SYTL1: variants seen among roughly 807,000 people sequenced by gnomAD.
SYTL1 encodes synaptotagmin-like protein 1.
SYTL1 carries 53 observed loss-of-function variants against 74.6 expected under a neutral mutation model. That is an observed-to-expected ratio of 0.71 (90% CI 0.57 to 0.89). The LOEUF is 0.89. Among genes scored for constraint, SYTL1 ranks in the 40% least tolerant of loss-of-function variants. The pLI, the probability that SYTL1 is intolerant of heterozygous loss-of-function variation, is 0.00. For synonymous variants in SYTL1, 329 were observed against 324.9 expected (o/e 1.01, Z -0.14); for missense variants, 728 against 768.7 (o/e 0.95, Z 0.63).
rs983216364 is a variant in SYTL1, at chr1:27,342,436, G to A, written c.-39+286G>A. Reference sequence around the variant, plus strand: ...GAGGGGGCACTGCTGAGGACGCTGGGCTGATGCCCATGGCCCAGCTCAGGC... The same window carrying A: ...GAGGGGGCACTGCTGAGGACGCTGGACTGATGCCCATGGCCCAGCTCAGGC... On this transcript the variant is annotated intron_variant, in intron 1 of 14. Transcript: ENST00000616558. This position sits in a 1 kb window ranked among gnomAD's most constrained non-coding sequence, Gnocchi z 4.7. 3.5e-5 allele frequency: 23 copies of A among 657,438 alleles called. No individual in the cohort carries two copies. The highest frequency in any genetic ancestry group is 6.7e-5 in the South Asian group (1 of 14,872). The allele number at this position is 657,438 out of a possible 1,614,324, so 40.7% of individuals were successfully genotyped here.
In SYTL1 at chr1:27,350,765, C is replaced by T; in HGVS notation, c.1006-29C>T. On this transcript the variant is annotated intron_variant, in intron 10 of 14. Coordinates refer to ENST00000616558, the MANE Select transcript of SYTL1 (RefSeq NM_001193308.2). The surrounding 1 kb of genome is among the most constrained non-coding windows in gnomAD (Gnocchi z 6.3). ...GCATCTACGCGGGCCACCAGCAGTG[C>T]TCCACTAAAGCTCACCTCCTGTCCT... 6.2e-7 allele frequency: 1 copy of T among 1,608,932 alleles called. No individual in the cohort carries two copies. The highest frequency in any genetic ancestry group is 8.5e-7 in the Non-Finnish European group (1 of 1,176,308).
intron 14 of SYTL1, 48 bp from the exon 15 acceptor site, chr1:27,353,665 A>G: frequency 6.3e-7 from 1 of 1,592,448 alleles, no homozygotes; most frequent in Non-Finnish European, 8.6e-7. Context: ...GGGGGCCCCA[A>G]GGTGTCCAGT....
In SYTL1 at chr1:27,350,750, G is replaced by T; in HGVS notation, c.1006-44G>T. On this transcript the variant is annotated intron_variant, in intron 10 of 14. Transcript: ENST00000616558. The surrounding 1 kb of genome is among the most constrained non-coding windows in gnomAD (Gnocchi z 6.3). ...CAGCCAACTCGCGCAGCATCTACGCGGGCCACCAGCAGTGCTCCACTAAAG... is the reference window on the plus strand; with the variant it reads ...CAGCCAACTCGCGCAGCATCTACGCTGGCCACCAGCAGTGCTCCACTAAAG... 2 of 1,600,824 alleles carry T rather than the reference G, an allele frequency of 1.2e-6. No individual in the cohort carries two copies. The highest frequency in any genetic ancestry group is 2.2e-5 in the East Asian group (1 of 44,574).
At position 27,351,008 on chromosome 1, in the gene SYTL1, C is replaced by A; in HGVS notation, c.1164+56C>A. 2 of 1,591,624 alleles carry A rather than the reference C, an allele frequency of 1.3e-6. No homozygotes were observed. The highest frequency in any genetic ancestry group is 1.8e-4 in the Middle Eastern group (1 of 5,542). On this transcript the variant is annotated intron_variant, in intron 11 of 14. Transcript: ENST00000616558. This position sits in a 1 kb window ranked among gnomAD's most constrained non-coding sequence, Gnocchi z 5.0. The stretch of plus-strand genomic sequence containing the variant: ...GCGGCCCGGGTCTCCTGCATTTACC[C>A]CACCAGGCTCTCCCGCAGCCCCCTC...
chr1:27,346,282 C>T (rs1218354464), intron 2 of SYTL1, among the ~76,000 whole-genome samples: 6 of 152,220 alleles, frequency 3.9e-5, no homozygotes, highest in African/African-American at 1.4e-4. Flanking sequence ...CCTGAACCCA[C>T]TCTTCACTTC....
At position 27,345,874 on chromosome 1, in the gene SYTL1, G is replaced by A. The variant is rs1303893759; in HGVS notation, c.191+349G>A. ...GGCTCACTGCAACCTCCACCCCTCC[G>A]GGTTCAAGCGATTCTCCTGCCACAG... On this transcript the variant is annotated intron_variant, in intron 2 of 14. Transcript: ENST00000616558. This position sits in a 1 kb window ranked among gnomAD's most constrained non-coding sequence, Gnocchi z 6.0. 1.3e-5 allele frequency among the ~76,000 whole-genome samples: 2 copies of A among 151,822 alleles called. No homozygotes were observed. The highest frequency in any genetic ancestry group is 2.4e-5 in the African/African-American group (1 of 41,298).
Position 27,349,462 on chromosome 1 carries a change from G to C in SYTL1, c.597G>C (p.Ser199=). 1.4e-6 allele frequency: 2 copies of C among 1,453,298 alleles called. No individual in the cohort carries two copies. The highest frequency in any genetic ancestry group is 1.5e-5 in the South Asian group (1 of 68,192). 90.0% of individuals were successfully genotyped at this position (1,453,298 alleles called of 1,614,324 possible). Reference sequence around the variant, plus strand: ...CTGACCCGGAGCTGGAGCCCGCGTCGGGGGGAGAGCAGGAGCCGCGGCCCC... The same window carrying C: ...CTGACCCGGAGCTGGAGCCCGCGTCCGGGGGAGAGCAGGAGCCGCGGCCCC... ...EEADPELEPA[S]GGEQEPRPQQ... is the part of the protein sequence containing the mutation. The change falls in exon 7 of 15, where the codon TCG becomes TCC. Residue 199 remains serine (S), a synonymous_variant. Coordinates refer to ENST00000616558, the MANE Select transcript of SYTL1 (RefSeq NM_001193308.2).
Position 27,351,373 on chromosome 1 carries a change from C to T in SYTL1, c.1243+37C>T. The T allele has an allele frequency of 6.6e-7, 1 of 1,518,336 alleles. No individual in the cohort carries two copies. Among genetic ancestry groups the T allele is most frequent in the Non-Finnish European group, 8.9e-7 (1 of 1,129,170 alleles). 94.1% of individuals were successfully genotyped at this position (1,518,336 alleles called of 1,614,324 possible). A position where few individuals can be genotyped will look rare whatever the true frequency, so the allele number is the denominator to read the frequency against. ...CCGGAGAGGCCAAGCTGGACACGCC[C>T]TGAAAAGCGGGAGACTCCAGTCCCC... On this transcript the variant is annotated intron_variant, in intron 12 of 14. Transcript: ENST00000616558. This position sits in a 1 kb window ranked among gnomAD's most constrained non-coding sequence, Gnocchi z 5.0.
chr1:27,346,648 G>C (rs764740508), intron 2 of SYTL1, among the ~76,000 whole-genome samples: 3 of 152,034 alleles, frequency 2.0e-5, no homozygotes, highest in Non-Finnish European at 4.4e-5. Context: ...TGTAGTCCCA[G>C]CTATTTAGGC....
rs1232725649 is a variant in SYTL1, at chr1:27,347,710, G to A, written c.341-98G>A. On this transcript the variant is annotated intron_variant, in intron 3 of 14. Transcript: ENST00000616558. This position sits in a 1 kb window ranked among gnomAD's most constrained non-coding sequence, Gnocchi z 4.9. ...GTCTTTCAGTGGGCAATGCCCCTCC[G>A]TGGGCATGGGGTGGGTGGGTATCTC... The A allele has an allele frequency of 9.5e-6, 14 of 1,474,258 alleles. No individual in the cohort carries two copies. Among genetic ancestry groups the A allele is most frequent in the Non-Finnish European group, 1.2e-5 (13 of 1,081,416 alleles). 91.3% of individuals were successfully genotyped at this position (1,474,258 alleles called of 1,614,324 possible). A position where few individuals can be genotyped will look rare whatever the true frequency, so the allele number is the denominator to read the frequency against.
chr1:27,350,257 A>T lies in SYTL1; in HGVS notation c.908+125A>T. 1 of 1,489,374 alleles carries T rather than the reference A, an allele frequency of 6.7e-7. No homozygotes were observed. The highest frequency in any genetic ancestry group is 9.3e-7 in the Non-Finnish European group (1 of 1,071,914). 92.3% of individuals were successfully genotyped at this position (1,489,374 alleles called of 1,614,324 possible). A position where few individuals can be genotyped will look rare whatever the true frequency, so the allele number is the denominator to read the frequency against. On this transcript the variant is annotated intron_variant, in intron 9 of 14. Coordinates refer to ENST00000616558, the MANE Select transcript of SYTL1 (RefSeq NM_001193308.2). The surrounding 1 kb of genome is among the most constrained non-coding windows in gnomAD (Gnocchi z 6.3). ...CAGCGTTATTGGGAGGCGTGCGATT[A>T]AGCGAGACAATCCCTGTAAAGCGCT...
Position 27,353,729 on chromosome 1 carries a change from G to C in SYTL1, c.1566G>C (p.Leu522=), listed in dbSNP as rs188053500. The C allele has an allele frequency of 1.9e-6, 3 of 1,613,792 alleles. No homozygotes were observed. In the African/African-American group the frequency reaches 4.0e-5, roughly 22 times the overall value. ...LSLGTGSSYG[L]QVPWMDSTPE... Reference sequence around the variant, plus strand: ...CACATCCAGGCAGCAGCTATGGGCTGCAGGTGCCCTGGATGGATTCCACAC... The same window carrying C: ...CACATCCAGGCAGCAGCTATGGGCTCCAGGTGCCCTGGATGGATTCCACAC... Residue 522 remains leucine (L), a synonymous_variant, in exon 15 of 15, where the codon CTG becomes CTC. Coordinates refer to ENST00000616558, the MANE Select transcript of SYTL1 (RefSeq NM_001193308.2).
intron 14 of SYTL1, 108 bp downstream of exon 14, chr1:27,353,596 A>G (rs778501402): frequency 7.1e-5 from 109 of 1,537,130 alleles, no homozygotes; most frequent in Non-Finnish European, 9.4e-5. Flanking sequence ...TTTGATATCT[A>G]CTGAGAACTG....
intron 13 of SYTL1, chr1:27,352,308 C>T (rs2015309122): frequency 6.6e-6 from 1 of 151,738 alleles, no homozygotes; most frequent in Non-Finnish European, 1.5e-5. Context: ...GCACTCCAAC[C>T]TGGGCAAAAC....
In SYTL1 at chr1:27,349,404, G is replaced by A. The variant is rs1340875288; in HGVS notation, c.539G>A (p.Gly180Asp). The change falls in exon 7 of 15, where the codon GGC (glycine) becomes GAC (aspartate). Residue 180 changes from glycine (G) to aspartate (D), a missense_variant. Gly to Asp is a moderately conservative substitution (Grantham distance 94, BLOSUM62 -1). Coordinates refer to ENST00000616558, the MANE Select transcript of SYTL1 (RefSeq NM_001193308.2). ...EEASQAQEDPGQGDQQVCAEE... is the reference protein window; with the variant it reads ...EEASQAQEDPDQGDQQVCAEE... ...ATCTCGTGCCCCACCCCAGATCCTG[G>A]CCAAGGAGACCAACAGGTCTGTGCC... 1.9e-5 allele frequency: 28 copies of A among 1,446,886 alleles called. No individual in the cohort carries two copies. Among genetic ancestry groups the A allele is most frequent in the African/African-American group, 2.9e-5 (2 of 69,348 alleles). 89.6% of individuals were successfully genotyped at this position (1,446,886 alleles called of 1,614,324 possible).
rs1233795182 is a variant in SYTL1 at position 27,347,795 on chromosome 1, C to T, written c.341-13C>T. Reference sequence around the variant, plus strand: ...GAGCATGGGGGCTCACAGAACTTCTCACCTGCGCCCAGGAGACCAGGCTCC... The same window carrying T: ...GAGCATGGGGGCTCACAGAACTTCTTACCTGCGCCCAGGAGACCAGGCTCC... On this transcript the variant is annotated splice_polypyrimidine_tract_variant and intron_variant, in intron 3 of 14. Coordinates refer to ENST00000616558, the MANE Select transcript of SYTL1 (RefSeq NM_001193308.2). The surrounding 1 kb of genome is among the most constrained non-coding windows in gnomAD (Gnocchi z 4.9). 1.2e-6 allele frequency: 2 copies of T among 1,610,086 alleles called. No homozygotes were observed. Among genetic ancestry groups the T allele is most frequent in the Non-Finnish European group, 1.7e-6 (2 of 1,178,346 alleles).
rs1055443224 is a variant in SYTL1 at position 27,345,237 on chromosome 1, G to C, written c.-38-60G>C. On this transcript the variant is annotated intron_variant, in intron 1 of 14. Coordinates refer to ENST00000616558, the MANE Select transcript of SYTL1 (RefSeq NM_001193308.2). The surrounding 1 kb of genome is among the most constrained non-coding windows in gnomAD (Gnocchi z 6.0). ...AGTGTTTGGGGAGAAAAGGGCTGTT[G>C]GTTCTAGGATGTGCCAAGCATTTGT... 1.1e-6 allele frequency: 1 copy of C among 935,770 alleles called. No individual in the cohort carries two copies. Among genetic ancestry groups the C allele is most frequent in the African/African-American group, 1.7e-5 (1 of 57,810 alleles). 58.0% of individuals were successfully genotyped at this position (935,770 alleles called of 1,614,324 possible).
chr1:27,353,203 A>G, intron 13 of SYTL1, 80 bp from the exon 14 acceptor site: 1 of 1,405,336 alleles, frequency 7.1e-7, no homozygotes, highest in East Asian at 2.5e-5. Context: ...TATGTGAGAG[A>G]GAATGAGTGG....
Position 27,351,654 on chromosome 1 carries a change from T to A in SYTL1, c.1343+99T>A. ...CTAATCAACCTTTGATCACGCAGCC[T>A]GGGCTTTCACCACTGAGCAGGGGTG... On this transcript the variant is annotated intron_variant, in intron 13 of 14. Transcript: ENST00000616558. This position sits in a 1 kb window ranked among gnomAD's most constrained non-coding sequence, Gnocchi z 5.0. 1.2e-6 allele frequency: 1 copy of A among 804,314 alleles called. No individual in the cohort carries two copies. The highest frequency in any genetic ancestry group is 1.9e-6 in the Non-Finnish European group (1 of 519,266). The allele number at this position is 804,314 out of a possible 1,614,324, so 49.8% of individuals were successfully genotyped here.
Sources: allele counts gnomAD v4.1 joint callset (sites outside exome capture counted in the v4.1 genomes callset), GRCh38; gene constraint gnomAD v4.1.1; non-coding constraint Gnocchi (gnomAD v3.1); transcripts MANE v1.5; gene names NCBI Gene and HGNC (gene_info 2026-07-23, HGNC 2026-07-21).